The following ADGRL1 variants were observed in gnomAD, a reference collection of about 807,000 sequenced individuals.
The protein encoded by ADGRL1 is adhesion G protein-coupled receptor L1.
In ADGRL1, 31 loss-of-function variants were observed where a neutral mutation model predicts 148.9. That is an observed-to-expected ratio of 0.21 (90% CI 0.16 to 0.28). ADGRL1 has a LOEUF of 0.28. Ranked by LOEUF, ADGRL1 falls within the 10% of genes least tolerant of loss-of-function variation. The pLI is 1.00. For missense variants in ADGRL1, 1,521 were observed against 2,058.8 expected (o/e 0.74, Z 5.05); for synonymous variants, 937 against 900.3 (o/e 1.04, Z -0.73).
Position 14,160,410 on chromosome 19 carries a change from T to C in ADGRL1, c.1615-113A>G, listed in dbSNP as rs2144717592. On this transcript the variant is annotated intron_variant, in intron 7 of 22. Transcript: ENST00000361434. This position sits in a 1 kb window ranked among gnomAD's most constrained non-coding sequence, Gnocchi z 5.9. The stretch of plus-strand genomic sequence containing the variant: ...TCCTATCTCTCTCTCCACTTCCCCA[T>C]CGCCATCTGCCCCTTCCCACCCCAT... 9.4e-7 allele frequency: 1 copy of C among 1,067,556 alleles called. No individual in the cohort carries two copies. Among genetic ancestry groups the C allele is most frequent in the East Asian group, 2.6e-5 (1 of 38,898 alleles). The allele number at this position is 1,067,556 out of a possible 1,614,324, so 66.1% of individuals were successfully genotyped here.
rs746407235 is a variant in ADGRL1 at position 14,151,418 on chromosome 19, G to A, written c.3865C>T (p.Arg1289Trp). The A allele has an allele frequency of 2.5e-6, 4 of 1,612,308 alleles. No individual in the cohort carries two copies. The highest frequency in any genetic ancestry group is 1.1e-5 in the South Asian group (1 of 91,008). Residue 1289 changes from arginine to tryptophan, a missense_variant, in exon 23 of 23, where the codon CGG becomes TGG. Coordinates refer to ENST00000361434, the MANE Select transcript of ADGRL1 (RefSeq NM_014921.5). ...IISELVHNNLRGSSSAAKGPP... is the reference protein window; with the variant it reads ...IISELVHNNLWGSSSAAKGPP... ...CCCTTGGCCGCGCTGCTGCTCCCCC[G>A]CAGGTTGTTGTGCACCAGCTCTGAG...
chr19:14,175,460 G>C (rs778225196), intron 3 of ADGRL1, among the ~76,000 whole-genome samples: 1 of 131,528 alleles, frequency 7.6e-6, no homozygotes, highest in Non-Finnish European at 1.6e-5. Context: ...AGCCACACCC[G>C]CTCACACACA....
intron 15 of ADGRL1, 52 bp downstream of exon 15, chr19:14,156,873 G>T: frequency 6.3e-7 from 1 of 1,582,780 alleles, no homozygotes; most frequent in Non-Finnish European, 8.6e-7. Context: ...AAGGGGTGCC[G>T]CCCAGCAGGG....
Position 14,151,324 on chromosome 19 carries a change from G to A in ADGRL1, c.3959C>T (p.Pro1320Leu), listed in dbSNP as rs1387735819. The A allele has an allele frequency of 1.3e-6, 2 of 1,592,374 alleles. No homozygotes were observed. The highest frequency in any genetic ancestry group is 1.7e-6 in the Non-Finnish European group (2 of 1,171,018). The change falls in exon 23 of 23, where the codon CCC becomes CTC. Residue 1320 changes from proline (P) to leucine (L), a missense_variant. By Grantham distance (98) the Pro-to-Leu change is moderately conservative (BLOSUM62 -3). Coordinates refer to ENST00000361434, the MANE Select transcript of ADGRL1 (RefSeq NM_014921.5). The stretch of plus-strand genomic sequence containing the variant: ...AATCTCGGCCCGGTCAGCACCCCCG[G>A]GCCCGCCCGCCTCTTCCTCGCCCCC... ...GGGGEEEAGG[P>L]GGADRAEIEL... is the part of the protein sequence containing the mutation.
chr19:14,200,161 C>A (rs1425674891), intron 1 of ADGRL1, among the ~76,000 whole-genome samples: 1 of 152,200 alleles, frequency 6.6e-6, no homozygotes, highest in Non-Finnish European at 1.5e-5. Flanking sequence ...GAAGAGCATC[C>A]TGGGCAGGGT....
Position 14,192,615 on chromosome 19 carries a change from A to G in ADGRL1, c.-95-8918T>C, listed in dbSNP as rs150762095. Reference sequence around the variant, plus strand: ...GAATGCATTGGCGTGATCTTGGCTCACTGCAACCTCCGCCTCAAGTGATTC... The same window carrying G: ...GAATGCATTGGCGTGATCTTGGCTCGCTGCAACCTCCGCCTCAAGTGATTC... On this transcript the variant is annotated intron_variant, in intron 1 of 22. Coordinates refer to ENST00000361434, the MANE Select transcript of ADGRL1 (RefSeq NM_014921.5). 4.9e-3 allele frequency among the ~76,000 whole-genome samples: 741 copies of G among 151,892 alleles called. 4 individuals are homozygous for G. Among genetic ancestry groups the G allele is most frequent in the Non-Finnish European group, 7.9e-3 (535 of 67,968 alleles).
intron 18 of ADGRL1, among the ~76,000 whole-genome samples, chr19:14,153,322 T>C (rs1417738024): frequency 2.0e-5 from 3 of 151,820 alleles, no homozygotes; most frequent in Admixed American, 6.6e-5. Flanking sequence ...AAAATATAAA[T>C]ATGCAAGCTG....
Position 14,170,785 on chromosome 19 carries a change from GT to G in ADGRL1, c.290del (p.Asn97ThrfsTer75). ...CGACCACCACGCACTGGGTGCGGTT[GT>G]TACACCTTCAGAGGAGAAACAGGGC... ...DAFKIMSQRC[N>X]NRTQCVVVAG... On this transcript the variant is annotated frameshift_variant, in exon 4 of 23. Coordinates refer to ENST00000361434, the MANE Select transcript of ADGRL1 (RefSeq NM_014921.5). LOFTEE classifies it high-confidence loss of function. The G allele has an allele frequency of 6.4e-7, 1 of 1,561,442 alleles. No individual in the cohort carries two copies.
intron 4 of ADGRL1, 84 bp from the exon 5 acceptor site, chr19:14,163,490 GAGAGAGA>G (rs1969638723): frequency 5.0e-5 from 52 of 1,048,578 alleles, no homozygotes; most frequent in South Asian, 1.0e-4. Flanking sequence ...GAGAGAGAGA[GAGAGAGA>G]GGGGGGAGAG....
chr19:14,158,870 C>G (rs1969048493), intron 11 of ADGRL1, among the ~76,000 whole-genome samples: 1 of 152,242 alleles, frequency 6.6e-6, no homozygotes, highest in South Asian at 2.1e-4. Context: ...TGGCCCCATC[C>G]TCTCTGAGCT....
intron 4 of ADGRL1, among the ~76,000 whole-genome samples, chr19:14,166,572 G>GAA (rs1969982220): frequency 6.7e-6 from 1 of 149,606 alleles, no homozygotes; most frequent in South Asian, 2.1e-4. Context: ...CAGAGAGAGA[G>GAA]AGAGAGAGAA....
In ADGRL1 at chr19:14,162,748, C is replaced by T. The variant is rs906510389; in HGVS notation, c.1053G>A (p.Glu351=). The stretch of plus-strand genomic sequence containing the variant: ...GGTTGGGGAAGGTGAGGCTGACAGG[C>T]TCCTCGCGGTTGGCATTGGTGTTGA... ...YAFNTNANRE[E]PVSLTFPNPY... is the part of the protein sequence containing the mutation. Residue 351 remains glutamate (E), a synonymous_variant, in exon 5 of 23, where the codon GAG becomes GAA. Transcript: ENST00000361434. The surrounding 1 kb of genome is among the most constrained non-coding windows in gnomAD (Gnocchi z 5.4). 10 of 1,614,108 alleles carry T rather than the reference C, an allele frequency of 6.2e-6. No individual in the cohort carries two copies. The highest frequency in any genetic ancestry group is 7.6e-6 in the Non-Finnish European group (9 of 1,180,046).
Position 14,150,907 on chromosome 19 carries a change from C to G in ADGRL1, c.4376G>C (p.Gly1459Ala). ...APGLEGPGPDGDGQMQLVTSL is the reference protein window; with the variant it reads ...APGLEGPGPDADGQMQLVTSL ...GGTGACCAGCTGCATCTGCCCGTCC[C>G]CATCGGGCCCTGGCCCCTCAAGGCC... The change falls in exon 23 of 23, where the codon GGG becomes GCG. Residue 1459 changes from glycine to alanine, a missense_variant. Gly to Ala is a moderately conservative substitution (Grantham distance 60, BLOSUM62 0). Around this residue, in one of 8 missense-constraint regions of ADGRL1, gnomAD observed 390 missense variants for 375.0 expected, o/e 1.04. Coordinates refer to ENST00000361434, the MANE Select transcript of ADGRL1 (RefSeq NM_014921.5). 2 of 1,612,246 alleles carry G rather than the reference C, an allele frequency of 1.2e-6. No individual in the cohort carries two copies. The highest frequency in any genetic ancestry group is 1.7e-6 in the Non-Finnish European group (2 of 1,179,796).
intron 1 of ADGRL1, among the ~76,000 whole-genome samples, chr19:14,195,854 T>C (rs1287558945): frequency 6.6e-6 from 1 of 152,116 alleles, no homozygotes; most frequent in Non-Finnish European, 1.5e-5. Context: ...TACATGATCC[T>C]CGGGCAGGGC....
chr19:14,189,197 G>A (rs1199887592), intron 1 of ADGRL1, among the ~76,000 whole-genome samples: 13 of 150,336 alleles, frequency 8.6e-5, no homozygotes. Context: ...TACAAATGGA[G>A]TCACAGGCTA....
chr19:14,166,009 C>A (rs547762984), intron 4 of ADGRL1, among the ~76,000 whole-genome samples: 50 of 152,258 alleles, frequency 3.3e-4, no homozygotes, highest in African/African-American at 1.2e-3. Context: ...TCCGCTCCCC[C>A]CAATAACAGC....
intron 2 of ADGRL1, among the ~76,000 whole-genome samples, chr19:14,180,992 G>A (rs550786687): frequency 4.6e-5 from 7 of 151,598 alleles, no homozygotes; most frequent in Non-Finnish European, 1.0e-4. Context: ...AGCTTGCAGT[G>A]AGCCGAGATC....
At chr19:14,175,477 C>T (rs529348037) in intron 3 of ADGRL1, among the ~76,000 whole-genome samples, 1 of 151,550 alleles carries the variant, frequency 6.6e-6, no homozygotes, top group South Asian at 2.1e-4. Flanking sequence ...CACATGCTCA[C>T]ACCCACACCC....
chr19:14,164,979 G>A (rs1346528220), intron 4 of ADGRL1, among the ~76,000 whole-genome samples: 1 of 152,150 alleles, frequency 6.6e-6, no homozygotes, highest in East Asian at 1.9e-4. Context: ...GCTCTTGCTT[G>A]GCATGTCACC....
Sources: allele counts gnomAD v4.1 joint callset (sites outside exome capture counted in the v4.1 genomes callset), GRCh38; gene constraint gnomAD v4.1.1; regional missense constraint gnomAD v4.1.1; non-coding constraint Gnocchi (gnomAD v3.1); transcripts MANE v1.5; gene names NCBI Gene and HGNC (gene_info 2026-07-23, HGNC 2026-07-21).